The following MROH7 variants were observed in gnomAD, a reference collection of about 807,000 sequenced individuals.
MROH7 encodes maestro heat-like repeat-containing protein family member 7.
MROH7 carries 113 observed loss-of-function variants against 129.2 expected under a neutral mutation model. The observed-to-expected ratio is 0.87, with a 90% confidence interval of 0.75 to 1.02. The LOEUF (loss-of-function observed/expected upper bound fraction) is 1.02, where lower values mean the gene tolerates loss of function less well. Among genes scored for constraint, MROH7 ranks in the 50% least tolerant of loss-of-function variants. The pLI, the probability that MROH7 is intolerant of heterozygous loss-of-function variation, is 0.00. For missense variants in MROH7, 1,601 were observed against 1,671.3 expected (o/e 0.96, Z 0.73); for synonymous variants, 655 against 667.9 (o/e 0.98, Z 0.30).
chr1:54,693,980 C>G (rs1645280399), intron 16 of MROH7, among the ~76,000 whole-genome samples: 1 of 151,932 alleles, frequency 6.6e-6, no homozygotes, highest in African/African-American at 2.4e-5. Context: ...CTCCTGGGTT[C>G]AAGCGATTCT....
chr1:54,673,733 C>T lies in MROH7; in HGVS notation c.1728C>T (p.Ala576=), dbSNP rs933918574. 1 of 1,614,004 alleles carries T rather than the reference C, an allele frequency of 6.2e-7. No individual in the cohort carries two copies. Among genetic ancestry groups the T allele is most frequent in the African/African-American group, 1.3e-5 (1 of 74,912 alleles). Residue 576 remains alanine, a synonymous_variant, in exon 9 of 24, where the codon GCC becomes GCT. Coordinates refer to ENST00000421030, the MANE Select transcript of MROH7 (RefSeq NM_001039464.4). ...ALGPWMNSGK[A]HERARAVNTN... is the part of the protein sequence containing the mutation. The stretch of plus-strand genomic sequence containing the variant: ...GGCCTTGGATGAACTCTGGGAAGGC[C>T]CATGAGCGAGCACGGGCTGTGAACA...
intron 21 of MROH7, 75 bp from the exon 22 acceptor site, chr1:54,706,360 C>G: frequency 9.1e-7 from 1 of 1,099,858 alleles, no homozygotes; most frequent in Non-Finnish European, 1.4e-6. Context: ...GTCACCATTC[C>G]TAGCTTCAAG....
intron 7 of MROH7, 122 bp from the exon 8 acceptor site, chr1:54,672,969 A>G (rs1644923968): frequency 3.1e-6 from 2 of 644,616 alleles, no homozygotes; most frequent in Non-Finnish European, 5.6e-6. Flanking sequence ...CAGAGGTGGG[A>G]CCAGAAAGCA....
intron 1 of MROH7, among the ~76,000 whole-genome samples, chr1:54,643,693 C>T (rs1253701279): frequency 6.6e-6 from 1 of 152,180 alleles, no homozygotes; most frequent in Non-Finnish European, 1.5e-5. Context: ...AAGCTACACC[C>T]ACACCCCAAC....
intron 3 of MROH7, among the ~76,000 whole-genome samples, chr1:54,663,369 C>T (rs1166149325): frequency 2.0e-5 from 3 of 151,982 alleles, no homozygotes; most frequent in African/African-American, 7.3e-5. Flanking sequence ...GCGAGAGCCC[C>T]GAGCTCTTGT....
At chr1:54,704,645 G>C (rs941334862) in intron 21 of MROH7, among the ~76,000 whole-genome samples, 1 of 151,746 alleles carries the variant, frequency 6.6e-6, no homozygotes, top group African/African-American at 2.4e-5. Flanking sequence ...GTTTCACCAT[G>C]TTGGCCAGAC....
chr1:54,672,901 G>T (rs529707806), intron 7 of MROH7, among the ~76,000 whole-genome samples, 190 bp from the exon 8 acceptor site: 22 of 152,138 alleles, frequency 1.4e-4, no homozygotes, highest in African/African-American at 4.8e-4. Flanking sequence ...TTGTTGATAA[G>T]GAAACTGTAA....
rs570672440 is a variant in MROH7, at chr1:54,688,172, A to T, written c.2711+1724A>T. 7.6e-5 allele frequency among the ~76,000 whole-genome samples: 11 copies of T among 145,550 alleles called. No homozygotes were observed. The South Asian group carries it at 2.2e-3, about 29-fold the overall frequency. ...GAGGCAGAGGTTACAGTGAGCCAAG[A>T]TTGCACCACTGCACTCCAGCCTGGG... On this transcript the variant is annotated intron_variant, in intron 15 of 23. Transcript: ENST00000421030.
intron 9 of MROH7, 30 bp from the exon 10 acceptor site, chr1:54,673,986 A>G: frequency 6.2e-7 from 1 of 1,611,534 alleles, no homozygotes. Context: ...AACCTATAAC[A>G]CTCAATCCCT....
At position 54,700,416 on chromosome 1, in the gene MROH7, G is replaced by T. The variant is rs200201488; in HGVS notation, c.3060G>T (p.Val1020=). The T allele has an allele frequency of 1.8e-4, 293 of 1,612,712 alleles. 1 individual carries two copies. Among genetic ancestry groups the T allele is most frequent in the Admixed American group, 1.8e-4 (11 of 59,930 alleles). Residue 1020 remains valine, a synonymous_variant, in exon 18 of 24, where the codon GTG becomes GTT. Coordinates refer to ENST00000421030, the MANE Select transcript of MROH7 (RefSeq NM_001039464.4). Reference sequence around the variant, plus strand: ...GCCACCACGACCCCATCATGAAGGTGCTGTCCATTCGAGGCCTGGTCATCC... The same window carrying T: ...GCCACCACGACCCCATCATGAAGGTTCTGTCCATTCGAGGCCTGGTCATCC... The part of the protein sequence containing the change: ...GLSHHDPIMK[V]LSIRGLVILA...
At chr1:54,657,686 CT>C (rs35538151) in intron 3 of MROH7, among the ~76,000 whole-genome samples, 299 of 145,192 alleles carry the variant, frequency 2.1e-3, no homozygotes, top group Middle Eastern at 3.6e-3. Context: ...CTATCTTAAC[CT>C]TTTTTTTTTT....
At chr1:54,675,653 G>A (rs1300498469) in intron 10 of MROH7, among the ~76,000 whole-genome samples, 10 of 151,296 alleles carry the variant, frequency 6.6e-5, no homozygotes, top group Middle Eastern at 3.4e-3. Context: ...GCTAGAGTGC[G>A]GTGGCACGAT....
At chr1:54,687,860 CTTTT>C (rs374965799) in intron 15 of MROH7, among the ~76,000 whole-genome samples, 2 of 143,858 alleles carry the variant, frequency 1.4e-5, no homozygotes, top group African/African-American at 5.2e-5. Context: ...ATTGAGTTTG[CTTTT>C]TTTCTTTCTT....
chr1:54,662,078 A>G (rs1644740773), intron 3 of MROH7, among the ~76,000 whole-genome samples: 1 of 151,630 alleles, frequency 6.6e-6, no homozygotes, highest in Admixed American at 6.6e-5. Context: ...AAATTAGCCA[A>G]ATGTGGTAGC....
chr1:54,643,196 T>TGG (rs1214491837), intron 1 of MROH7, among the ~76,000 whole-genome samples: 3 of 152,160 alleles, frequency 2.0e-5, no homozygotes, highest in Non-Finnish European at 1.5e-5. Flanking sequence ...CACCCACATT[T>TGG]GGGGATTCCA....
At position 54,679,360 on chromosome 1, in the gene MROH7, C is replaced by G. The variant is rs751478709; in HGVS notation, c.2147C>G (p.Ser716Cys). The change falls in exon 12 of 24, where the codon TCC becomes TGC. Residue 716 changes from serine to cysteine, a missense_variant. Coordinates refer to ENST00000421030, the MANE Select transcript of MROH7 (RefSeq NM_001039464.4). ...KGSSEAPGKD[S>C]REMMQLASEV... is the part of the protein sequence containing the mutation. ...AGCTCAGAGGCTCCAGGGAAGGACT[C>G]CAGGGAGATGATGCAGCTGGCCTCG... The G allele has an allele frequency of 6.2e-7, 1 of 1,614,120 alleles. No homozygotes were observed. Among genetic ancestry groups the G allele is most frequent in the South Asian group, 1.1e-5 (1 of 91,088 alleles).
intron 10 of MROH7, among the ~76,000 whole-genome samples, chr1:54,676,845 A>C (rs1644989857): frequency 6.6e-6 from 1 of 151,604 alleles, no homozygotes; most frequent in Non-Finnish European, 1.5e-5. Flanking sequence ...AGTAGCTGGG[A>C]TTACAGGCAT....
At chr1:54,706,334 G>A (rs908104272) in intron 21 of MROH7, 101 bp from the exon 22 acceptor site, 9 of 804,962 alleles carry the variant, frequency 1.1e-5, no homozygotes, top group Middle Eastern at 2.3e-4. Context: ...ATATATTTGG[G>A]AGGCAGGGGG....
At position 54,646,767 on chromosome 1, in the gene MROH7, C is replaced by T. The variant is rs77592737; in HGVS notation, c.-110+4799C>T. ...TTCTGGTCCAAAAGGAAACCCTATA[C>T]CCATTAAGCAGTCACTTACCATTCC... is the stretch of plus-strand genomic sequence containing the variant. On this transcript the variant is annotated intron_variant, in intron 1 of 23. Coordinates refer to ENST00000421030, the MANE Select transcript of MROH7 (RefSeq NM_001039464.4). Among the ~76,000 whole-genome samples the T allele has an allele frequency of 2.5e-3, 385 of 152,314 alleles. 2 individuals carry two copies. Among genetic ancestry groups the T allele is most frequent in the Non-Finnish European group, 4.1e-3 (277 of 68,030 alleles).
Sources: gnomAD v4.1 joint callset for allele counts (sites outside exome capture counted in the v4.1 genomes callset) on GRCh38, gnomAD v4.1.1 for gene constraint, MANE v1.5 for transcripts, NCBI Gene and HGNC (gene_info 2026-07-23, HGNC 2026-07-21) for gene names.